The following FMO3 variants were observed in gnomAD, a reference collection of about 807,000 sequenced individuals.
The protein encoded by FMO3 is flavin containing dimethylaniline monoxygenase 3, also known as flavin-containing monooxygenase 3.
Under a neutral mutation model 39.4 loss-of-function variants are expected in FMO3, and 40 were observed. The ratio of observed to expected loss-of-function variants is 1.02; its 90% CI spans 0.79 to 1.32. The LOEUF is 1.32. Ranked by LOEUF, FMO3 falls within the 40% of genes most tolerant of loss-of-function variation. The pLI, the probability that FMO3 is intolerant of heterozygous loss-of-function variation, is 0.00. For missense variants in FMO3, 680 were observed against 651.8 expected (o/e 1.04, Z -0.47); for synonymous variants, 219 against 228.8 (o/e 0.96, Z 0.39).
At chr1:171,108,943 G>C (rs1194928683) in intron 5 of FMO3, among the ~76,000 whole-genome samples, 1 of 152,136 alleles carries the variant, frequency 6.6e-6, no homozygotes, top group African/African-American at 2.4e-5. Context: ...GACAGAAGCT[G>C]TTCTTAGAAT....
At chr1:171,105,699 A>G (rs1655606618) in intron 3 of FMO3, among the ~76,000 whole-genome samples, 1 of 152,126 alleles carries the variant, frequency 6.6e-6, no homozygotes, top group African/African-American at 2.4e-5. Flanking sequence ...TAATACTAAG[A>G]AATATAAATA....
chr1:171,113,135 C>T (rs527397396), intron 6 of FMO3, among the ~76,000 whole-genome samples: 1 of 152,232 alleles, frequency 6.6e-6, no homozygotes, highest in African/African-American at 2.4e-5. Context: ...GCCTGTAGCA[C>T]TCTCTCACAG....
At position 171,106,148 on chromosome 1, in the gene FMO3, T is replaced by G. The variant is rs150382812; in HGVS notation, c.322-1527T>G. ...TTAATGTGACTATTAGAATTTTTTT[T>G]TTTTGTTTTGACACGGAGTTTCCCT... On this transcript the variant is annotated intron_variant, in intron 3 of 8. Coordinates refer to ENST00000367755, the MANE Select transcript of FMO3 (RefSeq NM_001002294.3). Among the ~76,000 whole-genome samples the G allele has an allele frequency of 8.9e-3, 1,352 of 152,258 alleles. 14 individuals carry two copies. Among genetic ancestry groups the G allele is most frequent in the Non-Finnish European group, 0.013 (871 of 68,008 alleles).
intron 7 of FMO3, among the ~76,000 whole-genome samples, chr1:171,115,674 G>C (rs766333702): frequency 2.3e-4 from 35 of 152,282 alleles, no homozygotes; most frequent in Admixed American, 5.9e-4. Context: ...ATGTAAACCT[G>C]GATCCTGGGG....
rs779397809 is a variant in FMO3 at position 171,117,268 on chromosome 1, C to T, written c.1425C>T (p.Gly475=). The stretch of plus-strand genomic sequence containing the variant: ...GTCCCTACCAGTTTAGGCTGGTGGG[C>T]CCAGGGCAGTGGCCAGGAGCCAGAA... The part of the protein sequence containing the change: ...PCSPYQFRLV[G]PGQWPGARNA... Residue 475 remains glycine, a synonymous_variant, in exon 9 of 9, where the codon GGC becomes GGT. Transcript: ENST00000367755. 2.5e-6 allele frequency: 4 copies of T among 1,614,034 alleles called. No homozygotes were observed. In the African/African-American group the frequency reaches 4.0e-5, roughly 16 times the overall value.
In FMO3 at chr1:171,117,542, C is replaced by A. The variant is rs1360885387; in HGVS notation, c.*100C>A. ...TTTTCACACCACCTGCTTTTCTATT[C>A]AGCATCTTTTGCAGTACTCTGTAGA... On this transcript the variant is annotated 3_prime_UTR_variant, in exon 9 of 9. Transcript: ENST00000367755. 1 of 873,414 alleles carries A rather than the reference C, an allele frequency of 1.1e-6. No homozygotes were observed. Among genetic ancestry groups the A allele is most frequent in the South Asian group, 1.5e-5 (1 of 64,974 alleles). 54.1% of individuals were successfully genotyped at this position (873,414 alleles called of 1,614,324 possible).
At chr1:171,095,018 T>C (rs557545278) in intron 2 of FMO3, among the ~76,000 whole-genome samples, 18 of 152,280 alleles carry the variant, frequency 1.2e-4, no homozygotes, top group African/African-American at 4.1e-4. Context: ...TTTGGGCATA[T>C]GGTTATTTTA....
At chr1:171,099,255 C>G (rs969596888) in intron 2 of FMO3, among the ~76,000 whole-genome samples, 1 of 152,118 alleles carries the variant, frequency 6.6e-6, no homozygotes, top group Non-Finnish European at 1.5e-5. Flanking sequence ...GCACTGTGGT[C>G]TGAGAGACAG....
intron 2 of FMO3, among the ~76,000 whole-genome samples, 157 bp from the exon 3 acceptor site, chr1:171,103,628 G>A (rs1655504601): frequency 6.6e-6 from 1 of 152,134 alleles, no homozygotes; most frequent in Non-Finnish European, 1.5e-5. Context: ...ATCATTTTAT[G>A]TAAGAGACTT....
intron 6 of FMO3, among the ~76,000 whole-genome samples, chr1:171,111,483 A>G (rs1332181708): frequency 6.6e-6 from 1 of 152,166 alleles, no homozygotes; most frequent in Non-Finnish European, 1.5e-5. Context: ...AGTCTTGGCC[A>G]CTTGCTCTAC....
intron 2 of FMO3, chr1:171,100,931 G>A: frequency 3.4e-6 from 1 of 292,102 alleles, no homozygotes; most frequent in Non-Finnish European, 7.0e-6. Flanking sequence ...GCATTATGTG[G>A]GTGAGCCCCA....
chr1:171,110,777 G>A (rs757056388), intron 5 of FMO3, 21 bp from the exon 6 acceptor site: 1 of 1,610,550 alleles, frequency 6.2e-7, no homozygotes, highest in Non-Finnish European at 8.5e-7. Flanking sequence ...TAATTTCATG[G>A]TTGAATTGGT....
At chr1:171,092,395 G>A (rs1654754181) in intron 1 of FMO3, among the ~76,000 whole-genome samples, 1 of 151,732 alleles carries the variant, frequency 6.6e-6, no homozygotes, top group Non-Finnish European at 1.5e-5. Context: ...GATTTTGTTT[G>A]TTTTTTGTTT....
At chr1:171,107,046 C>G (rs1252088374) in intron 3 of FMO3, among the ~76,000 whole-genome samples, 2 of 152,026 alleles carry the variant, frequency 1.3e-5, no homozygotes, top group East Asian at 3.9e-4. Context: ...ACAATTAATA[C>G]CAAATAGAGA....
chr1:171,107,642 GAA>G, intron 3 of FMO3, 31 bp from the exon 4 acceptor site: 1 of 1,598,012 alleles, frequency 6.3e-7, no homozygotes. Flanking sequence ...TGCTAGCATA[GAA>G]AAGAGGGATT....
At chr1:171,096,731 T>TATATATAATATAATTATATTAAAA (rs1655102966) in intron 2 of FMO3, among the ~76,000 whole-genome samples, 1 of 127,300 alleles carries the variant, frequency 7.9e-6, no homozygotes, top group Non-Finnish European at 1.6e-5. Context: ...ATATTAAAAA[T>TATATATAATATAATTATATTAAAA]ATATATAATT....
chr1:171,093,229 T>G (rs1557930658), intron 2 of FMO3, among the ~76,000 whole-genome samples: 1 of 152,030 alleles, frequency 6.6e-6, no homozygotes, highest in Non-Finnish European at 1.5e-5. Flanking sequence ...ACCCAAATAA[T>G]GTACATTGCA....
At chr1:171,097,861 T>C in intron 2 of FMO3, among the ~76,000 whole-genome samples, 1 of 152,156 alleles carries the variant, frequency 6.6e-6, no homozygotes, top group South Asian at 2.1e-4. Flanking sequence ...CATGAAGTCC[T>C]TGCCCGTGCC....
At chr1:171,109,177 T>C (rs1365532944) in intron 5 of FMO3, among the ~76,000 whole-genome samples, 1 of 152,172 alleles carries the variant, frequency 6.6e-6, no homozygotes, top group Non-Finnish European at 1.5e-5. Flanking sequence ...ATGTCAATTG[T>C]CTTCTTGAAA....
Sources: allele counts gnomAD v4.1 joint callset (sites outside exome capture counted in the v4.1 genomes callset), GRCh38; gene constraint gnomAD v4.1.1; transcripts MANE v1.5; gene names NCBI Gene and HGNC (gene_info 2026-07-23, HGNC 2026-07-21).